Variants in CTNND2 observed in about 807,000 individuals in gnomAD.
CTNND2 encodes catenin delta-2.
A neutral mutation model predicts 144.4 loss-of-function variants in CTNND2; 22 were observed. The observed-to-expected ratio is 0.15, with a 90% CI of 0.11 to 0.22. The LOEUF is 0.22. Ranked by LOEUF, CTNND2 falls within the 10% of genes least tolerant of loss-of-function variation. CTNND2 has a pLI of 1.00. For missense variants in CTNND2, 1,353 were observed against 1,618.8 expected (o/e 0.84, Z 2.82); for synonymous variants, 751 against 695.6 (o/e 1.08, Z -1.25).
chr5:10,980,236 A>T (rs545398948), intron 21 of CTNND2, among the ~76,000 whole-genome samples: 2 of 152,342 alleles, frequency 1.3e-5, no homozygotes, highest in African/African-American at 4.8e-5. Flanking sequence ...AAGTGAGCAA[A>T]GGATATGAAC....
At chr5:11,124,913 G>A (rs528838988) in intron 12 of CTNND2, among the ~76,000 whole-genome samples, 1 of 152,310 alleles carries the variant, frequency 6.6e-6, no homozygotes, top group South Asian at 2.1e-4. Flanking sequence ...CAAAATAAGT[G>A]GTTTGAGCAG....
chr5:11,240,879 C>T (rs1229558599), intron 9 of CTNND2, among the ~76,000 whole-genome samples: 32 of 143,602 alleles, frequency 2.2e-4, no homozygotes, highest in Non-Finnish European at 2.7e-4. Context: ...CACACCCCAA[C>T]CCACACACAC....
chr5:11,094,282 T>A (rs1043652349), intron 15 of CTNND2, among the ~76,000 whole-genome samples: 1 of 152,074 alleles, frequency 6.6e-6, no homozygotes, highest in Non-Finnish European at 1.5e-5. Context: ...AGTAATAACA[T>A]TTTCTTGATG....
chr5:11,283,377 A>T (rs1251843912), intron 9 of CTNND2, among the ~76,000 whole-genome samples: 3 of 152,058 alleles, frequency 2.0e-5, no homozygotes, highest in African/African-American at 4.8e-5. Context: ...ATGGGAGGAA[A>T]AAAAGAGGAG....
chr5:11,807,819 G>A lies in CTNND2; in HGVS notation c.38-75547C>T, dbSNP rs1197603401. 2.6e-5 allele frequency among the ~76,000 whole-genome samples: 4 copies of A among 152,182 alleles called. No homozygotes were observed. In the East Asian group the frequency reaches 7.7e-4, roughly 29 times the overall value. On this transcript the variant is annotated intron_variant, in intron 1 of 21. Transcript: ENST00000304623. ...GAAATGCATGACATGGTTTGTTTCT[G>A]AACATATATTAAAACAGCCATCTAT... is the stretch of plus-strand genomic sequence containing the variant.
At chr5:11,767,982 T>C (rs982062422) in intron 1 of CTNND2, among the ~76,000 whole-genome samples, 1 of 152,192 alleles carries the variant, frequency 6.6e-6, no homozygotes, top group Non-Finnish European at 1.5e-5. Flanking sequence ...TTAACTGTAA[T>C]ACAAAAATTC....
chr5:11,094,143 C>T (rs951205394), intron 15 of CTNND2, among the ~76,000 whole-genome samples: 3 of 152,180 alleles, frequency 2.0e-5, no homozygotes, highest in Non-Finnish European at 4.4e-5. Context: ...TGAGAACTAT[C>T]CCATTATCTA....
intron 3 of CTNND2, among the ~76,000 whole-genome samples, chr5:11,467,096 A>T (rs186283372): frequency 1.8e-4 from 27 of 152,362 alleles, no homozygotes; most frequent in African/African-American, 6.3e-4. Context: ...CTCCTTCCTA[A>T]GCCAGTGCAC....
chr5:11,695,824 C>T (rs1299034491), intron 2 of CTNND2, among the ~76,000 whole-genome samples: 1 of 152,076 alleles, frequency 6.6e-6, no homozygotes, highest in Non-Finnish European at 1.5e-5. Context: ...ATATTACATA[C>T]ACATATATTA....
intron 5 of CTNND2, among the ~76,000 whole-genome samples, chr5:11,404,602 CTTTTTTTT>C (rs555388304): frequency 1.7e-4 from 10 of 57,368 alleles, no homozygotes; most frequent in African/African-American, 2.5e-4. Context: ...TATCTGTATT[CTTTTTTTT>C]TTTTTTTTTT....
chr5:11,538,303 C>A (rs940212136), intron 3 of CTNND2, among the ~76,000 whole-genome samples: 1 of 152,170 alleles, frequency 6.6e-6, no homozygotes, highest in Non-Finnish European at 1.5e-5. Flanking sequence ...GCAGGACACT[C>A]AGCAAAGCAT....
chr5:11,346,721 CAT>C, intron 8 of CTNND2, 94 bp from the exon 9 acceptor site: 1 of 1,196,664 alleles, frequency 8.4e-7, no homozygotes. Flanking sequence ...AAGTTACACA[CAT>C]AAAAAATAGG....
chr5:11,725,391 T>C (rs2126727234), intron 2 of CTNND2, among the ~76,000 whole-genome samples: 1 of 152,374 alleles, frequency 6.6e-6, no homozygotes, highest in Middle Eastern at 3.4e-3. Context: ...TAAAAATACA[T>C]TGCGGATCAA....
intron 1 of CTNND2, among the ~76,000 whole-genome samples, chr5:11,875,639 G>A (rs891239185): frequency 2.0e-5 from 3 of 152,122 alleles, no homozygotes; most frequent in African/African-American, 4.8e-5. Context: ...GCCATGTGAG[G>A]GCACAGCAAG....
intron 9 of CTNND2, among the ~76,000 whole-genome samples, chr5:11,343,720 T>C (rs1447943925): frequency 6.6e-6 from 1 of 152,212 alleles, no homozygotes; most frequent in African/African-American, 2.4e-5. Context: ...AGGCATTAAA[T>C]ATGGGATATC....
At chr5:11,460,468 T>A (rs1481034429) in intron 3 of CTNND2, among the ~76,000 whole-genome samples, 7 of 152,204 alleles carry the variant, frequency 4.6e-5, no homozygotes, top group African/African-American at 1.7e-4. Context: ...TACTGAGAAG[T>A]GTGTTTAGAT....
At chr5:11,578,868 T>A (rs1200224212) in intron 2 of CTNND2, among the ~76,000 whole-genome samples, 2 of 152,124 alleles carry the variant, frequency 1.3e-5, no homozygotes, top group Admixed American at 6.5e-5. Context: ...TATGTATGCA[T>A]GTCAACGCTT....
chr5:11,897,384 A>G (rs989051974), intron 1 of CTNND2, among the ~76,000 whole-genome samples: 1 of 152,174 alleles, frequency 6.6e-6, no homozygotes. Context: ...TAGAAAAGCA[A>G]TGTTTATCTT....
At chr5:11,130,262 C>CA (rs199661061) in intron 12 of CTNND2, among the ~76,000 whole-genome samples, 1 of 152,034 alleles carries the variant, frequency 6.6e-6, no homozygotes, top group Non-Finnish European at 1.5e-5. Context: ...ATACCACACC[C>CA]CCCCCATCCA....
Sources: gnomAD v4.1 joint callset for allele counts (sites outside exome capture counted in the v4.1 genomes callset) on GRCh38, gnomAD v4.1.1 for gene constraint, MANE v1.5 for transcripts, NCBI Gene and HGNC (gene_info 2026-07-23, HGNC 2026-07-21) for gene names.